FGF13: variants seen among roughly 807,000 people sequenced by gnomAD.
FGF13 encodes the protein fibroblast growth factor 13, also known as fibroblast growth factor homologous factor 2.
In FGF13, 2 loss-of-function variants were observed where a neutral mutation model predicts 19.5. That is an observed-to-expected ratio of 0.10 (90% confidence interval 0.04 to 0.32). FGF13 has a LOEUF of 0.32. FGF13 is among the 10% of genes least tolerant of loss of function. The probability of loss-of-function intolerance (pLI) is 1.00; values close to 1 mark genes in which losing one functional copy is unlikely to be tolerated. For synonymous variants in FGF13, 72 were observed against 76.9 expected, an observed-to-expected ratio of 0.94 and a Z score of 0.33; for missense variants, 113 against 192.7, an observed-to-expected ratio of 0.59 and a Z score of 2.45.
At chrX:138,649,096 T>G (rs2089338809) in intron 3 of FGF13, among the ~76,000 whole-genome samples, 1 of 111,866 alleles carries the variant, frequency 8.9e-6, no homozygotes, top group Non-Finnish European at 1.9e-5. Context: ...GTCTTAGCGC[T>G]CACATTGATT....
intron 1 of FGF13, among the ~76,000 whole-genome samples, chrX:139,159,655 C>CAAAAAAAAAAA (rs550001786): frequency 2.3e-4 from 12 of 51,642 alleles, no homozygotes; most frequent in African/African-American, 5.3e-4. Flanking sequence ...AAAGAGAAAG[C>CAAAAAAAAAAA]AAAAAAAAAA....
At chrX:138,909,467 A>T (rs1451567494) in intron 1 of FGF13, among the ~76,000 whole-genome samples, 1 of 112,267 alleles carries the variant, frequency 8.9e-6, no homozygotes, top group Non-Finnish European at 1.9e-5. Flanking sequence ...TTATGGTCTC[A>T]GTTCAATTAG....
At chrX:138,819,730 G>C (rs1383241673) in intron 3 of FGF13, among the ~76,000 whole-genome samples, 2 of 111,834 alleles carry the variant, frequency 1.8e-5, no homozygotes, top group Non-Finnish European at 3.8e-5. Flanking sequence ...TCTAAGTAAT[G>C]TTTAAAATCA....
chrX:138,942,846 TTG>T (rs2091765156), intron 1 of FGF13, among the ~76,000 whole-genome samples: 1 of 111,728 alleles, frequency 9.0e-6, no homozygotes, highest in African/African-American at 3.3e-5. Flanking sequence ...AAGTATCTTG[TTG>T]TTTTTTTTGT....
upstream of FGF13, among the ~76,000 whole-genome samples, chrX:138,742,948 C>T (rs940061359): frequency 3.6e-5 from 4 of 111,508 alleles, no homozygotes; most frequent in African/African-American, 1.3e-4. Context: ...GCAAATTGGG[C>T]CTCTTGTATG....
intron 1 of FGF13, among the ~76,000 whole-genome samples, chrX:138,881,276 AC>A (rs1314649160): frequency 9.0e-6 from 1 of 111,390 alleles, no homozygotes; most frequent in African/African-American, 3.3e-5. Flanking sequence ...TTGTTTTTGC[AC>A]CCTGCAATTT....
chrX:138,668,468 G>A (rs1337786982), intron 3 of FGF13, among the ~76,000 whole-genome samples: 1 of 110,250 alleles, frequency 9.1e-6, no homozygotes, highest in African/African-American at 3.3e-5. Context: ...AAGTGGGGGA[G>A]GGTAGTGTGT....
chrX:139,038,136 C>G (rs1373850036), intron 1 of FGF13, among the ~76,000 whole-genome samples: 1 of 110,927 alleles, frequency 9.0e-6, no homozygotes, highest in Non-Finnish European at 1.9e-5. Context: ...AAAACCTTAC[C>G]AGGCCTTCTC....
intron 3 of FGF13, 70 bp downstream of exon 3, chrX:138,702,914 T>C (rs1317785953): frequency 1.4e-6 from 1 of 720,010 alleles, no homozygotes; most frequent in Non-Finnish European, 2.2e-6. Flanking sequence ...ATAACACATA[T>C]AAAGCACATT....
chrX:138,767,222 G>T (rs757041821), intron 3 of FGF13, among the ~76,000 whole-genome samples: 3 of 112,188 alleles, frequency 2.7e-5, no homozygotes, highest in Non-Finnish European at 3.8e-5. Flanking sequence ...CAAGGCACTG[G>T]TGCTGGCTTC....
chrX:139,090,413 G>A lies in FGF13; in HGVS notation c.-113+113003C>T, dbSNP rs58822094. Among the ~76,000 whole-genome samples, 1,077 of 111,296 alleles carry A rather than the reference G, an allele frequency of 9.7e-3. 49 individuals are homozygous for A. Among genetic ancestry groups the A allele is most frequent in the Admixed American group, 0.089 (931 of 10,469 alleles). ...CATAACAGGCATTAATACCTGTTAC[G>A]TAGTAAGCAATACCCAATGTGTTTT... On this transcript the variant is annotated intron_variant, in intron 1 of 2. Transcript: ENST00000421460.
At chrX:138,877,670 T>C (rs1258256271) in intron 1 of FGF13, among the ~76,000 whole-genome samples, 2 of 112,650 alleles carry the variant, frequency 1.8e-5, no homozygotes, top group African/African-American at 6.4e-5. Context: ...TGGAATCACA[T>C]AGTATTTATC....
At chrX:138,929,201 G>C (rs1299834039) in intron 1 of FGF13, among the ~76,000 whole-genome samples, 1 of 109,298 alleles carries the variant, frequency 9.1e-6, no homozygotes, top group African/African-American at 3.3e-5. Flanking sequence ...AAGCTGATGT[G>C]ACTACAAGTG....
intron 1 of FGF13, among the ~76,000 whole-genome samples, chrX:138,933,240 C>G (rs1041194516): frequency 1.6e-4 from 18 of 111,794 alleles, no homozygotes; most frequent in African/African-American, 5.9e-4. Flanking sequence ...CAGAAGCAAA[C>G]ATCTTTGGTT....
chrX:138,700,464 C>T (rs1288990447), intron 3 of FGF13, among the ~76,000 whole-genome samples: 2 of 111,021 alleles, frequency 1.8e-5, no homozygotes, highest in South Asian at 3.9e-4. Context: ...AGCTTTTGAT[C>T]TCAGCAATAT....
At chrX:139,204,135 C>G (rs1476152396), upstream of FGF13, 2 of 1,199,458 alleles carry the variant, frequency 1.7e-6, no homozygotes, top group Non-Finnish European at 2.3e-6. Flanking sequence ...ACAAGGTTCG[C>G]TCAGAAGACG....
At chrX:138,742,733 C>G (rs16993516), upstream of FGF13, among the ~76,000 whole-genome samples, 1 of 112,051 alleles carries the variant, frequency 8.9e-6, no homozygotes, top group African/African-American at 3.2e-5. Flanking sequence ...ATACTCTGCC[C>G]TCTTCTTAAA....
intron 3 of FGF13, among the ~76,000 whole-genome samples, chrX:138,753,271 C>T (rs921633942): frequency 8.9e-6 from 1 of 112,031 alleles, no homozygotes; most frequent in Non-Finnish European, 1.9e-5. Context: ...GTGTTTTTCT[C>T]CTTGCTGATT....
At chrX:138,694,525 A>G (rs1361209705) in intron 3 of FGF13, among the ~76,000 whole-genome samples, 2 of 97,895 alleles carry the variant, frequency 2.0e-5, no homozygotes, top group Non-Finnish European at 4.0e-5. Flanking sequence ...ATCTTGGCTC[A>G]CTGCAAGCTC....
Sources: gnomAD v4.1 joint callset for allele counts (sites outside exome capture counted in the v4.1 genomes callset) on GRCh38, gnomAD v4.1.1 for gene constraint, MANE v1.5 for transcripts, NCBI Gene and HGNC (gene_info 2026-07-23, HGNC 2026-07-21) for gene names.